Variants in DTNBP1 observed in about 807,000 individuals in gnomAD.
DTNBP1 encodes the protein dysbindin.
A neutral mutation model predicts 42.8 loss-of-function variants in DTNBP1; 35 were observed. The ratio of observed to expected loss-of-function variants is 0.82; its 90% CI spans 0.63 to 1.09. The LOEUF is 1.09. Ranked by LOEUF, DTNBP1 falls within the 50% of genes least tolerant of loss-of-function variation. DTNBP1 has a pLI of 0.00. For synonymous variants in DTNBP1, 171 were observed against 162.2 expected (o/e 1.05, Z -0.41); for missense variants, 457 against 424.2 (o/e 1.08, Z -0.68).
chr6:15,565,411 C>T (rs896469992), intron 7 of DTNBP1, among the ~76,000 whole-genome samples: 1 of 151,952 alleles, frequency 6.6e-6, no homozygotes, highest in African/African-American at 2.4e-5. Context: ...TTTAAATAGC[C>T]CCAAACTGAA....
chr6:15,585,560 T>C (rs1776046407), intron 7 of DTNBP1, among the ~76,000 whole-genome samples: 2 of 152,316 alleles, frequency 1.3e-5, no homozygotes, highest in South Asian at 4.1e-4. Context: ...CTCATAAAAA[T>C]GTACTACTTG....
intron 7 of DTNBP1, among the ~76,000 whole-genome samples, chr6:15,566,176 G>A (rs575006943): frequency 1.7e-3 from 260 of 151,458 alleles, no homozygotes; most frequent in African/African-American, 6.0e-3. Context: ...TTAGCCGGGC[G>A]TAGTGGCGGG....
At chr6:15,636,157 C>CTTTT (rs70996562) in intron 4 of DTNBP1, among the ~76,000 whole-genome samples, 4 of 127,024 alleles carry the variant, frequency 3.1e-5, no homozygotes, top group African/African-American at 1.3e-4. Flanking sequence ...TTACCTGCAC[C>CTTTT]TTTTTTTTTT....
intron 1 of DTNBP1, among the ~76,000 whole-genome samples, chr6:15,657,096 C>T (rs917088752): frequency 6.6e-6 from 1 of 152,056 alleles, no homozygotes; most frequent in Non-Finnish European, 1.5e-5. Flanking sequence ...AGGTACAAAG[C>T]CTAAGAAATT....
chr6:15,618,847 T>C (rs1045104493), intron 5 of DTNBP1, among the ~76,000 whole-genome samples: 8 of 152,142 alleles, frequency 5.3e-5, no homozygotes, highest in Admixed American at 1.3e-4. Flanking sequence ...AATAGATGAA[T>C]GGATAAAGAA....
At chr6:15,643,508 A>G (rs1406300161) in intron 3 of DTNBP1, among the ~76,000 whole-genome samples, 4 of 152,168 alleles carry the variant, frequency 2.6e-5, no homozygotes, top group Admixed American at 1.3e-4. Flanking sequence ...TAAGGTCAAC[A>G]TGAAAGCAAA....
In DTNBP1 at chr6:15,661,057, C is replaced by T. The variant is rs565483213; in HGVS notation, c.56+1757G>A. Among the ~76,000 whole-genome samples the T allele has an allele frequency of 4.6e-5, 7 of 152,338 alleles. No homozygotes were observed. The East Asian group carries it at 7.7e-4, about 17-fold the overall frequency. On this transcript the variant is annotated intron_variant, in intron 1 of 9. Transcript: ENST00000344537. Reference sequence around the variant, plus strand: ...CTCCGAGCGTCCATAACTTTCTAAACACCAAACTAACAAAAATGATTGACG... The same window carrying T: ...CTCCGAGCGTCCATAACTTTCTAAATACCAAACTAACAAAAATGATTGACG...
In DTNBP1 at chr6:15,629,651, G is replaced by A. The variant is rs1759572024; in HGVS notation, c.223-2176C>T. 2.0e-5 allele frequency among the ~76,000 whole-genome samples: 3 copies of A among 152,044 alleles called. No individual in the cohort carries two copies. The South Asian group carries it at 6.2e-4, about 32-fold the overall frequency. Reference sequence around the variant, plus strand: ...CATTTTGAACATTTTCTAAATACCAGACCCTGTGCTAAGTAATTTACATAT... The same window carrying A: ...CATTTTGAACATTTTCTAAATACCAAACCCTGTGCTAAGTAATTTACATAT... On this transcript the variant is annotated intron_variant, in intron 4 of 9. Coordinates refer to ENST00000344537, the MANE Select transcript of DTNBP1 (RefSeq NM_032122.5).
chr6:15,604,531 C>T (rs1167015303), intron 6 of DTNBP1, among the ~76,000 whole-genome samples: 1 of 152,192 alleles, frequency 6.6e-6, no homozygotes, highest in Non-Finnish European at 1.5e-5. Flanking sequence ...GCCTGAGGGC[C>T]ACACTCCTGC....
At chr6:15,551,220 T>C (rs1372047639) in intron 7 of DTNBP1, among the ~76,000 whole-genome samples, 2 of 151,968 alleles carry the variant, frequency 1.3e-5, no homozygotes, top group African/African-American at 4.8e-5. Context: ...GCAGGAGCTT[T>C]TGGCAAACCT....
intron 7 of DTNBP1, chr6:15,579,825 A>G (rs1182150766): frequency 6.6e-6 from 3 of 454,788 alleles, no homozygotes; most frequent in Admixed American, 2.3e-5. Context: ...GAAAAAAAGA[A>G]AAGAGTGAAT....
intron 3 of DTNBP1, among the ~76,000 whole-genome samples, chr6:15,644,244 C>T (rs898508176): frequency 6.6e-6 from 1 of 150,508 alleles, no homozygotes; most frequent in African/African-American, 2.4e-5. Context: ...AAGAAGATAT[C>T]GTATCCTAAA....
At chr6:15,557,283 A>G (rs1024764250) in intron 7 of DTNBP1, among the ~76,000 whole-genome samples, 7 of 141,786 alleles carry the variant, frequency 4.9e-5, no homozygotes, top group Non-Finnish European at 1.1e-4. Context: ...TTAAAAGGTT[A>G]AAGGATTGTT....
intron 6 of DTNBP1, among the ~76,000 whole-genome samples, chr6:15,597,943 T>C (rs1776579582): frequency 6.6e-6 from 1 of 152,224 alleles, no homozygotes; most frequent in Non-Finnish European, 1.5e-5. Flanking sequence ...ATTTCCATAG[T>C]TTAATAGTAT....
intron 8 of DTNBP1, 112 bp from the exon 9 acceptor site, chr6:15,524,781 A>C: frequency 6.6e-7 from 1 of 1,508,128 alleles, no homozygotes; most frequent in Non-Finnish European, 8.9e-7. Flanking sequence ...TTCCTTCAAA[A>C]TGGAATTTGA....
chr6:15,599,094 A>C (rs1461113922), intron 6 of DTNBP1, among the ~76,000 whole-genome samples: 2 of 152,210 alleles, frequency 1.3e-5, no homozygotes, highest in Non-Finnish European at 2.9e-5. Context: ...ACTAAGTTAT[A>C]CATGGATTAC....
chr6:15,655,387 A>AGT (rs1761223883), intron 1 of DTNBP1, among the ~76,000 whole-genome samples: 2 of 152,274 alleles, frequency 1.3e-5, no homozygotes, highest in South Asian at 4.1e-4. Context: ...AGCCTCCCCA[A>AGT]GTGCTGGGAT....
At chr6:15,628,796 T>C (rs1054349463) in intron 4 of DTNBP1, among the ~76,000 whole-genome samples, 6 of 152,218 alleles carry the variant, frequency 3.9e-5, no homozygotes, top group African/African-American at 1.4e-4. Flanking sequence ...TTTGGAGGAA[T>C]GAATATATCA....
chr6:15,551,390 A>G (rs1774202818), intron 7 of DTNBP1, among the ~76,000 whole-genome samples: 1 of 152,190 alleles, frequency 6.6e-6, no homozygotes, highest in African/African-American at 2.4e-5. Flanking sequence ...GACGTATAAG[A>G]ATAGCTTTGC....
Sources: gnomAD v4.1 joint callset for allele counts (sites outside exome capture counted in the v4.1 genomes callset) on GRCh38, gnomAD v4.1.1 for gene constraint, MANE v1.5 for transcripts, NCBI Gene and HGNC (gene_info 2026-07-23, HGNC 2026-07-21) for gene names.